The following PAK2 variants were observed in gnomAD, a reference collection of about 807,000 sequenced individuals.
The protein encoded by PAK2 is p21 (RAC1) activated kinase 2.
A neutral mutation model predicts 65.9 loss-of-function variants in PAK2; 21 were observed. The ratio of observed to expected loss-of-function variants is 0.32; its 90% CI spans 0.23 to 0.46. The LOEUF (loss-of-function observed/expected upper bound fraction) is 0.46, where lower values mean the gene tolerates loss of function less well. Among genes scored for constraint, PAK2 ranks in the 20% least tolerant of loss-of-function variants. The pLI is 1.00. For missense variants in PAK2, 324 were observed against 642.6 expected, an observed-to-expected ratio of 0.50 and a Z score of 5.36; for synonymous variants, 204 against 219.7, an observed-to-expected ratio of 0.93 and a Z score of 0.63.
intron 13 of PAK2, among the ~76,000 whole-genome samples, chr3:196,825,907 A>C (rs1336708277): frequency 1.3e-5 from 2 of 152,106 alleles, no homozygotes; most frequent in African/African-American, 2.4e-5. Flanking sequence ...ACAGTGGTGC[A>C]ATCTTGGCTC....
intron 1 of PAK2, among the ~76,000 whole-genome samples, chr3:196,764,109 G>A (rs954597273): frequency 3.3e-5 from 5 of 151,940 alleles, no homozygotes; most frequent in Non-Finnish European, 5.9e-5. Context: ...GCCTGCTGCT[G>A]CTTTTGTATC....
At chr3:196,755,758 T>G (rs1186941233) in intron 1 of PAK2, among the ~76,000 whole-genome samples, 2 of 150,872 alleles carry the variant, frequency 1.3e-5, no homozygotes, top group East Asian at 2.0e-4. Flanking sequence ...GCACCCAGAC[T>G]TCTTCTTTTT....
intron 1 of PAK2, among the ~76,000 whole-genome samples, chr3:196,752,484 T>C (rs761585451): frequency 1.1e-4 from 17 of 152,268 alleles, no homozygotes; most frequent in Non-Finnish European, 2.4e-4. Flanking sequence ...TTTCTCACTT[T>C]ATCCTCCTTT....
intron 2 of PAK2, among the ~76,000 whole-genome samples, chr3:196,794,871 G>A (rs557800543): frequency 6.6e-6 from 1 of 152,288 alleles, no homozygotes; most frequent in East Asian, 1.9e-4. Flanking sequence ...CACTCTGCTA[G>A]AACCCAGGCA....
At chr3:196,828,163 C>T (rs572595753) in intron 14 of PAK2, among the ~76,000 whole-genome samples, 156 bp from the exon 15 acceptor site, 3 of 152,278 alleles carry the variant, frequency 2.0e-5, no homozygotes, top group Admixed American at 6.5e-5. Flanking sequence ...GAAAGTAATG[C>T]GTTGATTATG....
chr3:196,753,426 T>C (rs1385938886), intron 1 of PAK2, among the ~76,000 whole-genome samples: 1 of 150,846 alleles, frequency 6.6e-6, no homozygotes, highest in African/African-American at 2.4e-5. Context: ...TGGGCTCACG[T>C]GATCCTATCT....
chr3:196,746,153 G>T (rs552031438), intron 1 of PAK2, among the ~76,000 whole-genome samples: 1 of 151,998 alleles, frequency 6.6e-6, no homozygotes, highest in South Asian at 2.1e-4. Flanking sequence ...TTATTACATT[G>T]GCCTGAAGTT....
chr3:196,828,387 A>C lies in PAK2; in HGVS notation c.1557A>C (p.Ala519=). 1 of 1,602,202 alleles carries C rather than the reference A, an allele frequency of 6.2e-7. No individual in the cohort carries two copies. The highest frequency in any genetic ancestry group is 8.5e-7 in the Non-Finnish European group (1 of 1,169,828). ...LTPLIMAAKE[A]MKSNR is the part of the protein sequence containing the mutation. ...CACTGATCATGGCAGCTAAAGAAGC[A>C]ATGAAGAGTAACCGTTAACATCACT... The change falls in exon 15 of 15, where the codon GCA becomes GCC. Residue 519 remains alanine, a synonymous_variant. Transcript: ENST00000327134.
At chr3:196,818,206 T>G (rs767540393) in intron 12 of PAK2, 50 bp downstream of exon 12, 5 of 767,344 alleles carry the variant, frequency 6.5e-6, no homozygotes, top group Non-Finnish European at 1.1e-5. Flanking sequence ...TTTTCTGCCT[T>G]TTGTTTAATT....
chr3:196,800,829 G>A (rs1328061530), intron 2 of PAK2, among the ~76,000 whole-genome samples: 1 of 152,106 alleles, frequency 6.6e-6, no homozygotes, highest in African/African-American at 2.4e-5. Context: ...TCACTAAAGG[G>A]ATAAATCAAG....
rs148499086 is a variant in PAK2, at chr3:196,827,609, G to A, written c.1488+276G>A. The A allele has an allele frequency of 3.4e-3, 551 of 164,220 alleles. 1 individual carries two copies. Among genetic ancestry groups the A allele is most frequent in the African/African-American group, 0.013 (522 of 41,660 alleles). 10.2% of individuals were successfully genotyped at this position (164,220 alleles called of 1,614,324 possible). A position where few individuals can be genotyped will look rare whatever the true frequency, so the allele number is the denominator to read the frequency against. On this transcript the variant is annotated intron_variant, in intron 14 of 14. Coordinates refer to ENST00000327134, the MANE Select transcript of PAK2 (RefSeq NM_002577.4). ...CACACACCGGGGCCTGTTGTGGGGT[G>A]GGGGGAGTGGGGAGGGATAGCATTA... is the stretch of plus-strand genomic sequence containing the variant.
Position 196,751,663 on chromosome 3 carries a change from T to TATATATATATATG in PAK2, c.-22+11506_-22+11507insATATATATATATG, listed in dbSNP as rs1713589849. ...CTGTCCCCCCAAAAAACACACAAAT[T>TATATATATATATG]TATTTATATACATATATATATATAT... On this transcript the variant is annotated intron_variant, in intron 1 of 14. Coordinates refer to ENST00000327134, the MANE Select transcript of PAK2 (RefSeq NM_002577.4). Among the ~76,000 whole-genome samples the TATATATATATATG allele has an allele frequency of 4.4e-5, 2 of 45,748 alleles. 1 individual carries two copies. The highest frequency in any genetic ancestry group is 2.3e-4 in the African/African-American group (2 of 8,782). The allele number at this position is 45,748 out of a possible 152,430, so 30.0% of individuals were successfully genotyped here.
intron 1 of PAK2, among the ~76,000 whole-genome samples, chr3:196,774,169 G>A (rs1714464173): frequency 6.6e-6 from 1 of 152,198 alleles, no homozygotes; most frequent in Admixed American, 6.5e-5. Context: ...AATAACTAAG[G>A]GTTTATAGTT....
rs890798566 is a variant in PAK2 at position 196,768,753 on chromosome 3, C to T, written c.-21-13873C>T. Among the ~76,000 whole-genome samples, 53 of 151,964 alleles carry T rather than the reference C, an allele frequency of 3.5e-4. 1 individual carries two copies. The highest frequency in any genetic ancestry group is 1.1e-3 in the African/African-American group (47 of 41,342). On this transcript the variant is annotated intron_variant, in intron 1 of 14. Coordinates refer to ENST00000327134, the MANE Select transcript of PAK2 (RefSeq NM_002577.4). ...AAATCTCGGCTCACTGCAACCTCCTCCTCATGAGTTCAAGCGATTCTCCTG... is the reference window on the plus strand; with the variant it reads ...AAATCTCGGCTCACTGCAACCTCCTTCTCATGAGTTCAAGCGATTCTCCTG...
At chr3:196,752,775 A>G (rs1439516084) in intron 1 of PAK2, among the ~76,000 whole-genome samples, 3 of 151,538 alleles carry the variant, frequency 2.0e-5, no homozygotes, top group African/African-American at 7.3e-5. Flanking sequence ...TAATTTTTAT[A>G]TTTTTAGTAG....
At chr3:196,815,533 A>G (rs953612848) in intron 11 of PAK2, among the ~76,000 whole-genome samples, 2 of 151,784 alleles carry the variant, frequency 1.3e-5, no homozygotes, top group African/African-American at 4.8e-5. Flanking sequence ...TCTCGCCTGT[A>G]ATACCAGCAC....
intron 1 of PAK2, among the ~76,000 whole-genome samples, chr3:196,750,009 A>G (rs7638157): frequency 0.46 from 67,979 of 146,968 alleles, 16,307 homozygotes; most frequent in Non-Finnish European, 0.53. Flanking sequence ...TTTTTGAAAC[A>G]GAGTTTCGCT....
chr3:196,798,836 C>G (rs1715336445), intron 2 of PAK2, among the ~76,000 whole-genome samples: 1 of 152,146 alleles, frequency 6.6e-6, no homozygotes, highest in Admixed American at 6.5e-5. Flanking sequence ...TGACGGAACC[C>G]AGTATCCATT....
chr3:196,751,666 TTTATATAC>T (rs1268395562), intron 1 of PAK2, among the ~76,000 whole-genome samples: 8,176 of 41,238 alleles, frequency 0.2, 1,432 homozygotes, highest in African/African-American at 0.37. Flanking sequence ...CACAAATTTA[TTTATATAC>T]ATATATATAT....
Sources: gnomAD v4.1 joint callset for allele counts (sites outside exome capture counted in the v4.1 genomes callset) on GRCh38, gnomAD v4.1.1 for gene constraint, MANE v1.5 for transcripts, NCBI Gene and HGNC (gene_info 2026-07-23, HGNC 2026-07-21) for gene names.